CFAP99: variants seen among roughly 807,000 people sequenced by gnomAD.
CFAP99 encodes cilia and flagella associated protein 99.
In CFAP99, 84 loss-of-function variants were observed where a neutral mutation model predicts 82.7. The ratio of observed to expected loss-of-function variants is 1.02; its 90% CI spans 0.85 to 1.22. CFAP99 has a LOEUF of 1.22. Ranked by LOEUF, CFAP99 falls within the 50% of genes most tolerant of loss-of-function variation. The pLI, the probability that CFAP99 is intolerant of heterozygous loss-of-function variation, is 0.00. For synonymous variants in CFAP99, 456 were observed against 429.5 expected (o/e 1.06, Z -0.76); for missense variants, 1,059 against 983.5 (o/e 1.08, Z -1.03).
chr4:2,444,847 C>T (rs1257102421), intron 5 of CFAP99, among the ~76,000 whole-genome samples: 2 of 152,230 alleles, frequency 1.3e-5, no homozygotes, highest in African/African-American at 4.8e-5. Context: ...AGGGCTGTCC[C>T]TGTCCTCCCA....
chr4:2,437,382 G>A (rs987658832), intron 3 of CFAP99, among the ~76,000 whole-genome samples: 20 of 152,352 alleles, frequency 1.3e-4, no homozygotes, highest in African/African-American at 4.6e-4. Context: ...AGTCCTGTGG[G>A]GGATTAGATA....
intron 4 of CFAP99, among the ~76,000 whole-genome samples, chr4:2,439,570 G>C (rs760979574): frequency 1.1e-4 from 16 of 152,328 alleles, no homozygotes; most frequent in African/African-American, 1.9e-4. Flanking sequence ...GGGAGGGAGA[G>C]TGCAGCCCCG....
At chr4:2,459,452 C>A (rs553165312) in intron 13 of CFAP99, among the ~76,000 whole-genome samples, 194 bp downstream of exon 13, 1 of 152,202 alleles carries the variant, frequency 6.6e-6, no homozygotes, top group East Asian at 1.9e-4. Flanking sequence ...CACAAGCCTG[C>A]GGGCAAGGCA....
rs1277899343 is a variant in CFAP99 at position 2,446,126 on chromosome 4, C to T, written c.642+818C>T. The stretch of plus-strand genomic sequence containing the variant: ...TGGGAGGCCCCAGAATCCTGCCCCA[C>T]TCCCACCATCCTTCAGGTCTCATTA... On this transcript the variant is annotated intron_variant, in intron 6 of 14. Coordinates refer to ENST00000635017, the Ensembl canonical transcript of CFAP99. This position sits in a 1 kb window ranked among gnomAD's most constrained non-coding sequence, Gnocchi z 5.0. Among the ~76,000 whole-genome samples the T allele has an allele frequency of 6.6e-6, 1 of 152,214 alleles. No homozygotes were observed. Among genetic ancestry groups the T allele is most frequent in the Non-Finnish European group, 1.5e-5 (1 of 68,038 alleles).
At position 2,423,753 on chromosome 4, in the gene CFAP99, C is replaced by T. The variant is rs113631964; in HGVS notation, c.-17-2706C>T. Among the ~76,000 whole-genome samples the T allele has an allele frequency of 6.4e-3, 975 of 152,330 alleles. 14 individuals are homozygous for T. The highest frequency in any genetic ancestry group is 0.022 in the African/African-American group (924 of 41,576). On this transcript the variant is annotated intron_variant, in intron 1 of 14. Coordinates refer to ENST00000635017, the Ensembl canonical transcript of CFAP99. ...CTAGATTTCAGCATCTGTGGATTTGCGGGTTTAATGGCTTCTGATCTGGTG... is the reference window on the plus strand; with the variant it reads ...CTAGATTTCAGCATCTGTGGATTTGTGGGTTTAATGGCTTCTGATCTGGTG...
intron 14 of CFAP99, among the ~76,000 whole-genome samples, chr4:2,461,966 G>A (rs1365081083): frequency 6.7e-6 from 1 of 149,716 alleles, no homozygotes; most frequent in South Asian, 2.1e-4. Flanking sequence ...TAGTACACCT[G>A]TAATACTTTT....
At chr4:2,460,158 A>G (rs1268853588) in exon 14 of CFAP99, 4 of 1,536,032 alleles carry the variant, frequency 2.6e-6, no homozygotes, top group South Asian at 1.2e-5. Flanking sequence ...ATTCAGGGCA[A>G]GCACACCAAG....
chr4:2,443,371 C>A, intron 5 of CFAP99, 129 bp downstream of exon 5: 1 of 654,088 alleles, frequency 1.5e-6, no homozygotes, highest in Non-Finnish European at 2.8e-6. Context: ...AGTAATCACT[C>A]CGTGTTCGGA....
chr4:2,459,958 G>T (rs1578484982), intron 13 of CFAP99, 79 bp from the exon 14 acceptor site: 2 of 1,342,272 alleles, frequency 1.5e-6, no homozygotes, highest in East Asian at 5.0e-5. Context: ...TGGGCCTATG[G>T]AACAGGGGAG....
intron 3 of CFAP99, among the ~76,000 whole-genome samples, chr4:2,437,717 G>A (rs1365596578): frequency 3.3e-5 from 5 of 152,208 alleles, no homozygotes; most frequent in South Asian, 2.1e-4. Context: ...CTGCCTTGGC[G>A]GAAACTCGGG....
intron 4 of CFAP99, among the ~76,000 whole-genome samples, chr4:2,441,677 A>G (rs1734044710): frequency 6.6e-6 from 1 of 152,168 alleles, no homozygotes; most frequent in East Asian, 1.9e-4. Context: ...TGCCCAGGAG[A>G]CTGCCTCCCT....
At chr4:2,444,833 C>T (rs3108495) in intron 5 of CFAP99, among the ~76,000 whole-genome samples, 115,851 of 152,154 alleles carry the variant, frequency 0.76, 44,218 homozygotes, top group Admixed American at 0.79. Flanking sequence ...TGGATTCCTG[C>T]AGCAGGGCTG....
At chr4:2,447,794 G>A (rs1337250488) in intron 6 of CFAP99, among the ~76,000 whole-genome samples, 3 of 137,414 alleles carry the variant, frequency 2.2e-5, no homozygotes, top group African/African-American at 8.0e-5. Flanking sequence ...GAAAAGATGA[G>A]TGGGTAGGTG....
At chr4:2,454,944 G>A (rs1282359492) in intron 11 of CFAP99, among the ~76,000 whole-genome samples, 1 of 151,974 alleles carries the variant, frequency 6.6e-6, no homozygotes, top group Non-Finnish European at 1.5e-5. Context: ...TTTTGAGACA[G>A]GGTCTCACTC....
At chr4:2,429,671 A>G (rs889751706) in intron 2 of CFAP99, among the ~76,000 whole-genome samples, 1 of 151,188 alleles carries the variant, frequency 6.6e-6, no homozygotes, top group Non-Finnish European at 1.5e-5. Context: ...TGCTCACTGC[A>G]AGCTCCGCCT....
chr4:2,420,046 C>T (rs962628312), intron 1 of CFAP99, among the ~76,000 whole-genome samples: 4 of 151,878 alleles, frequency 2.6e-5, no homozygotes, highest in Non-Finnish European at 5.9e-5. Context: ...GTGACCCAGC[C>T]GACTGTGCCC....
chr4:2,424,673 C>A (rs972145454), intron 1 of CFAP99, among the ~76,000 whole-genome samples: 2 of 152,198 alleles, frequency 1.3e-5, no homozygotes, highest in African/African-American at 2.4e-5. Context: ...CCTTGTCCTG[C>A]CAGCCAGTGT....
At position 2,455,183 on chromosome 4, in the gene CFAP99, C is replaced by T. The variant is rs146456879; in HGVS notation, c.1161+2837C>T. On this transcript the variant is annotated intron_variant, in intron 11 of 14. Transcript: ENST00000635017. ...CCAAAATACTGGGATTACGGAAATG[C>T]GCCTCTGCGCCCAGCCTAATGTTCT... Among the ~76,000 whole-genome samples the T allele has an allele frequency of 4.6e-5, 7 of 152,386 alleles. No individual in the cohort carries two copies. The East Asian group carries it at 9.6e-4, about 21-fold the overall frequency.
At chr4:2,462,946 A>T, downstream of CFAP99, 1 of 1,253,438 alleles carries the variant, frequency 8.0e-7, no homozygotes, top group Admixed American at 4.3e-5. This position sits in a 1 kb window ranked among gnomAD's most constrained non-coding sequence, Gnocchi z 4.1. Context: ...AGCGCGCCCC[A>T]CCCGCTTGCG....
Sources: gnomAD v4.1 joint callset for allele counts (sites outside exome capture counted in the v4.1 genomes callset) on GRCh38, gnomAD v4.1.1 for gene constraint, Gnocchi (gnomAD v3.1) non-coding constraint, MANE v1.5 for transcripts, NCBI Gene and HGNC (gene_info 2026-07-23, HGNC 2026-07-21) for gene names.